The following CNTNAP2 variants were observed in gnomAD, a reference collection of about 807,000 sequenced individuals.
The protein encoded by CNTNAP2 is contactin associated protein 2.
Under a neutral mutation model 155.2 loss-of-function variants are expected in CNTNAP2, and 98 were observed. The ratio of observed to expected loss-of-function variants is 0.63; its 90% CI spans 0.54 to 0.75. The LOEUF (loss-of-function observed/expected upper bound fraction) is 0.75. Ranked by LOEUF, CNTNAP2 falls within the 30% of genes least tolerant of loss-of-function variation. The pLI is 0.00. For missense variants in CNTNAP2, 1,727 were observed against 1,688.1 expected (o/e 1.02, Z -0.40); for synonymous variants, 651 against 631.2 (o/e 1.03, Z -0.47).
In CNTNAP2 at chr7:147,366,992, C is replaced by T. The variant is rs147943818; in HGVS notation, c.1499-28617C>T. 6.5e-3 allele frequency among the ~76,000 whole-genome samples: 992 copies of T among 152,110 alleles called. 8 individuals carry two copies. The highest frequency in any genetic ancestry group is 0.023 in the African/African-American group (942 of 41,492). ...AAGAATTATTTATATATCTTTAGAT[C>T]TCAAAAGTTTAGGTGTGAAGTTTAT... On this transcript the variant is annotated intron_variant, in intron 9 of 23. Coordinates refer to ENST00000361727, the MANE Select transcript of CNTNAP2 (RefSeq NM_014141.6).
chr7:148,347,056 A>G (rs1311512606), intron 21 of CNTNAP2, among the ~76,000 whole-genome samples: 1 of 152,058 alleles, frequency 6.6e-6, no homozygotes, highest in African/African-American at 2.4e-5. Context: ...CAGGAGTTTG[A>G]GACCAGCCTG....
At chr7:147,890,320 G>C (rs191545535) in intron 13 of CNTNAP2, among the ~76,000 whole-genome samples, 1 of 152,148 alleles carries the variant, frequency 6.6e-6, no homozygotes, top group Non-Finnish European at 1.5e-5. Context: ...GCTTAGAAAG[G>C]CTGAAAATTA....
chr7:147,011,077 A>C (rs1798613983), intron 3 of CNTNAP2, among the ~76,000 whole-genome samples: 1 of 151,828 alleles, frequency 6.6e-6, no homozygotes, highest in African/African-American at 2.4e-5. Flanking sequence ...CAAAAGACAA[A>C]CCCAAATTGA....
At chr7:146,663,002 G>A (rs1486698743) in intron 1 of CNTNAP2, among the ~76,000 whole-genome samples, 1 of 152,150 alleles carries the variant, frequency 6.6e-6, no homozygotes, top group Admixed American at 6.6e-5. Context: ...TCAGAGCCGG[G>A]TGCAGTGGCT....
chr7:147,268,537 C>T lies in CNTNAP2; in HGVS notation c.1349-31604C>T, dbSNP rs185941511. Among the ~76,000 whole-genome samples the T allele has an allele frequency of 5.5e-4, 84 of 152,104 alleles. 1 individual carries two copies. The highest frequency in any genetic ancestry group is 3.4e-3 in the Middle Eastern group (1 of 294). On this transcript the variant is annotated intron_variant, in intron 8 of 23. Transcript: ENST00000361727. ...AGGGTGTGGGGTAGGGGAGGGATCG[C>T]GTAAGGAGAAATACCTAATGTAGAT... is the stretch of plus-strand genomic sequence containing the variant.
At position 147,592,748 on chromosome 7, in the gene CNTNAP2, A is replaced by T. The variant is rs368875349; in HGVS notation, c.1897+30491A>T. ...AAAAATGCATAACAAGGCATAGAGG[A>T]TAAATTTCTCTCCAACCCACTGTGA... On this transcript the variant is annotated intron_variant, in intron 12 of 23. Coordinates refer to ENST00000361727, the MANE Select transcript of CNTNAP2 (RefSeq NM_014141.6). Among the ~76,000 whole-genome samples the T allele has an allele frequency of 5.3e-5, 8 of 152,356 alleles. No homozygotes were observed. The East Asian group carries it at 1.2e-3, about 22-fold the overall frequency.
At chr7:146,299,129 G>A (rs1184944216) in intron 1 of CNTNAP2, among the ~76,000 whole-genome samples, 3 of 152,086 alleles carry the variant, frequency 2.0e-5, no homozygotes, top group East Asian at 1.9e-4. Flanking sequence ...AAATTAGCCA[G>A]GTGTGGTGGC....
chr7:147,087,712 C>T (rs995910347), intron 4 of CNTNAP2, among the ~76,000 whole-genome samples: 1 of 152,160 alleles, frequency 6.6e-6, no homozygotes, highest in Non-Finnish European at 1.5e-5. Flanking sequence ...CATGGTGGCT[C>T]ATGCCTGTAA....
At chr7:146,934,713 A>C (rs1312652545) in intron 3 of CNTNAP2, among the ~76,000 whole-genome samples, 1 of 152,208 alleles carries the variant, frequency 6.6e-6, no homozygotes, top group African/African-American at 2.4e-5. Flanking sequence ...TAAGCTCCCC[A>C]ATGGCAGACA....
intron 13 of CNTNAP2, among the ~76,000 whole-genome samples, chr7:147,736,148 A>T (rs1304999754): frequency 6.6e-6 from 1 of 151,794 alleles, no homozygotes; most frequent in Admixed American, 6.6e-5. Flanking sequence ...ATGTTTTTTC[A>T]GTGGCTGTTA....
At chr7:148,334,413 G>C (rs1292268339) in intron 21 of CNTNAP2, among the ~76,000 whole-genome samples, 2 of 152,160 alleles carry the variant, frequency 1.3e-5, no homozygotes, top group African/African-American at 4.8e-5. Context: ...TGGAAAAGCA[G>C]GCTATAAGCA....
Position 147,336,715 on chromosome 7 carries a change from T to C in CNTNAP2, c.1498+36425T>C, listed in dbSNP as rs375950951. ...GGACATTAAATATCTAGTTCAGTCC[T>C]CTTTCCACTGTTCACCTCTGAGTCT... On this transcript the variant is annotated intron_variant, in intron 9 of 23. Transcript: ENST00000361727. 2.0e-5 allele frequency among the ~76,000 whole-genome samples: 3 copies of C among 152,252 alleles called. No individual in the cohort carries two copies. The South Asian group carries it at 6.2e-4, about 32-fold the overall frequency.
intron 3 of CNTNAP2, among the ~76,000 whole-genome samples, chr7:147,011,444 A>T (rs13237136): frequency 3.9e-5 from 5 of 127,708 alleles, no homozygotes; most frequent in Non-Finnish European, 8.5e-5. Flanking sequence ...AAAAAAAAAA[A>T]GGAACAAGGT....
intron 13 of CNTNAP2, among the ~76,000 whole-genome samples, chr7:147,696,424 A>G (rs1796161797): frequency 6.6e-6 from 1 of 152,190 alleles, no homozygotes; most frequent in Non-Finnish European, 1.5e-5. Flanking sequence ...CTGCTTTCAA[A>G]TAACTGTCAC....
chr7:146,957,064 G>A (rs942692195), intron 3 of CNTNAP2, among the ~76,000 whole-genome samples: 1 of 152,068 alleles, frequency 6.6e-6, no homozygotes, highest in Admixed American at 6.6e-5. Context: ...CAAGAAATGT[G>A]TCATTAGGCA....
intron 9 of CNTNAP2, among the ~76,000 whole-genome samples, chr7:147,354,441 G>A (rs113626718): frequency 0.23 from 34,663 of 151,966 alleles, 4,341 homozygotes; most frequent in Non-Finnish European, 0.28. Context: ...AGATCAGATT[G>A]TTCTAGATGT....
chr7:146,473,834 G>A (rs535877091), intron 1 of CNTNAP2, among the ~76,000 whole-genome samples: 46 of 152,172 alleles, frequency 3.0e-4, no homozygotes, highest in Non-Finnish European at 5.1e-4. Context: ...CTCAAGTATT[G>A]TTTTGTTCTT....
chr7:147,058,243 G>A (rs183847405), intron 4 of CNTNAP2, among the ~76,000 whole-genome samples: 1 of 152,284 alleles, frequency 6.6e-6, no homozygotes, highest in Admixed American at 6.5e-5. Flanking sequence ...CTGCCACATA[G>A]TTTGGCCGGG....
chr7:147,820,346 T>C (rs1563100630), intron 13 of CNTNAP2, among the ~76,000 whole-genome samples: 1 of 152,146 alleles, frequency 6.6e-6, no homozygotes, highest in Non-Finnish European at 1.5e-5. Context: ...GTCTGTTTAA[T>C]GTGTCTATTT....
Sources: allele counts gnomAD v4.1 joint callset (sites outside exome capture counted in the v4.1 genomes callset), GRCh38; gene constraint gnomAD v4.1.1; transcripts MANE v1.5; gene names NCBI Gene and HGNC (gene_info 2026-07-23, HGNC 2026-07-21).